Variants in JPH1 observed in about 807,000 individuals in gnomAD.
JPH1 encodes junctophilin-1.
A neutral mutation model predicts 53.6 loss-of-function variants in JPH1; 12 were observed. That is an observed-to-expected ratio of 0.22 (90% confidence interval 0.14 to 0.36). JPH1 has a LOEUF of 0.36. Ranked by LOEUF, JPH1 falls within the 10% of genes least tolerant of loss-of-function variation. The pLI is 1.00. For synonymous variants in JPH1, 375 were observed against 363.8 expected (o/e 1.03, Z -0.35); for missense variants, 808 against 905.5 (o/e 0.89, Z 1.38).
intron 3 of JPH1, among the ~76,000 whole-genome samples, chr8:74,257,170 C>T (rs931947408): frequency 3.3e-5 from 5 of 152,172 alleles, no homozygotes; most frequent in Admixed American, 2.0e-4. Flanking sequence ...ACTGCAGCCT[C>T]CCCGACAAGC....
At position 74,320,113 on chromosome 8, in the gene JPH1, G is replaced by A. The variant is rs1808271537; in HGVS notation, c.379+796C>T. Among the ~76,000 whole-genome samples, 1 of 152,144 alleles carries A rather than the reference G, an allele frequency of 6.6e-6. No individual in the cohort carries two copies. Among genetic ancestry groups the A allele is most frequent in the Non-Finnish European group, 1.5e-5 (1 of 68,020 alleles). ...GTAGCTGCTAACTTAGCAGCTATAG[G>A]AACACACCTGCTAATTGTATTCTTT... On this transcript the variant is annotated intron_variant, in intron 1 of 5. Coordinates refer to ENST00000342232, the MANE Select transcript of JPH1 (RefSeq NM_020647.4). This position sits in a 1 kb window ranked among gnomAD's most constrained non-coding sequence, Gnocchi z 4.4.
chr8:74,279,027 AT>A (rs1806934824), intron 2 of JPH1, among the ~76,000 whole-genome samples: 1 of 152,120 alleles, frequency 6.6e-6, no homozygotes, highest in East Asian at 1.9e-4. Context: ...ACACAGCATC[AT>A]TTTAAGTTAG....
At chr8:74,312,346 G>T (rs939904240) in intron 2 of JPH1, among the ~76,000 whole-genome samples, 1 of 152,148 alleles carries the variant, frequency 6.6e-6, no homozygotes, top group East Asian at 1.9e-4. Flanking sequence ...CGACCTCTGG[G>T]GCTCAAGCCA....
intron 4 of JPH1, among the ~76,000 whole-genome samples, chr8:74,238,627 T>G (rs1805610376): frequency 6.6e-6 from 1 of 152,206 alleles, no homozygotes; most frequent in Non-Finnish European, 1.5e-5. Flanking sequence ...GAGACTCTAC[T>G]ATCTTCCAGC....
chr8:74,276,633 G>A (rs986720538), intron 2 of JPH1, among the ~76,000 whole-genome samples: 5 of 152,334 alleles, frequency 3.3e-5, no homozygotes, highest in Middle Eastern at 3.4e-3. Flanking sequence ...CATAACATCT[G>A]TCATCTACCT....
chr8:74,238,096 G>C (rs1807052044), intron 4 of JPH1, among the ~76,000 whole-genome samples: 1 of 152,158 alleles, frequency 6.6e-6, no homozygotes, highest in Admixed American at 6.5e-5. Flanking sequence ...ACAAAGACAT[G>C]ATTGTGGTAT....
At chr8:74,264,936 A>G (rs528830720) in intron 2 of JPH1, among the ~76,000 whole-genome samples, 11 of 152,296 alleles carry the variant, frequency 7.2e-5, no homozygotes, top group African/African-American at 2.4e-4. Context: ...ATCATACAAC[A>G]TGAACTACGG....
intron 1 of JPH1, among the ~76,000 whole-genome samples, chr8:74,318,228 TA>T (rs1211279856): frequency 6.6e-6 from 1 of 152,198 alleles, no homozygotes; most frequent in Non-Finnish European, 1.5e-5. Context: ...TTCACAAGTA[TA>T]AAAATTACTT....
At chr8:74,294,529 C>T (rs1807445384) in intron 2 of JPH1, among the ~76,000 whole-genome samples, 1 of 152,206 alleles carries the variant, frequency 6.6e-6, no homozygotes, top group Non-Finnish European at 1.5e-5. Context: ...CACAAGAATT[C>T]TTCCTCTTCC....
intron 2 of JPH1, among the ~76,000 whole-genome samples, chr8:74,274,488 G>C (rs1806792595): frequency 6.6e-6 from 1 of 152,148 alleles, no homozygotes; most frequent in Non-Finnish European, 1.5e-5. Flanking sequence ...ATGTTTCTGA[G>C]CTTTTAGATG....
At position 74,288,250 on chromosome 8, in the gene JPH1, C is replaced by T. The variant is rs72663672; in HGVS notation, c.1139+26611G>A. 3.7e-3 allele frequency among the ~76,000 whole-genome samples: 568 copies of T among 152,310 alleles called. 3 individuals are homozygous for T. Among genetic ancestry groups the T allele is most frequent in the African/African-American group, 5.1e-3 (213 of 41,566 alleles). ...GGACAGGTTTCATCTTCCCATCCTC[C>T]GTGGGTTGCTAAGCCTCTGCCACCC... On this transcript the variant is annotated intron_variant, in intron 2 of 5. Transcript: ENST00000342232.
intron 2 of JPH1, among the ~76,000 whole-genome samples, chr8:74,269,973 TTCATGCTTTCTCTGTGAA>T (rs1182748943): frequency 6.6e-6 from 1 of 152,270 alleles, no homozygotes; most frequent in Non-Finnish European, 1.5e-5. Flanking sequence ...TCTTCTTGTA[TTCATGCTTTCTCTGTGAA>T]TCTGTCACTG....
At chr8:74,245,339 C>A (rs180938142) in intron 3 of JPH1, among the ~76,000 whole-genome samples, 164 bp from the exon 4 acceptor site, 27 of 152,238 alleles carry the variant, frequency 1.8e-4, no homozygotes, top group Non-Finnish European at 3.2e-4. Context: ...TATGGAAAGG[C>A]TGCTTTTAAG....
chr8:74,257,691 T>C (rs1403432977), intron 3 of JPH1, among the ~76,000 whole-genome samples: 1 of 152,176 alleles, frequency 6.6e-6, no homozygotes, highest in Non-Finnish European at 1.5e-5. Flanking sequence ...AGTTTATTCC[T>C]ACCAGAGGTC....
intron 2 of JPH1, among the ~76,000 whole-genome samples, chr8:74,309,363 A>G (rs919883239): frequency 6.6e-6 from 1 of 152,210 alleles, no homozygotes; most frequent in Non-Finnish European, 1.5e-5. Context: ...AAGTCAATAC[A>G]AGCAAAGGCT....
intron 3 of JPH1, among the ~76,000 whole-genome samples, chr8:74,246,019 G>C (rs559907718): frequency 6.6e-6 from 1 of 151,800 alleles, no homozygotes; most frequent in Non-Finnish European, 1.5e-5. Flanking sequence ...CTGGGAACTC[G>C]AGGAGGCTGT....
At chr8:74,290,585 C>T (rs577128779) in intron 2 of JPH1, among the ~76,000 whole-genome samples, 1 of 152,284 alleles carries the variant, frequency 6.6e-6, no homozygotes, top group South Asian at 2.1e-4. Context: ...AATGCCATCC[C>T]CATCAAGCTA....
At position 74,259,252 on chromosome 8, in the gene JPH1, C is replaced by T. The variant is rs80026272; in HGVS notation, c.1258+133G>A. The T allele has an allele frequency of 7.3e-3, 4,619 of 633,538 alleles. 171 individuals are homozygous for T. The African/African-American group carries it at 0.077, about 11-fold the overall frequency. 39.2% of individuals were successfully genotyped at this position (633,538 alleles called of 1,614,324 possible). A position where few individuals can be genotyped will look rare whatever the true frequency, so the allele number is the denominator to read the frequency against. On this transcript the variant is annotated intron_variant, in intron 3 of 5. Transcript: ENST00000342232. ...CAGATGAAGGATCCTCAACCGCAGG[C>T]GCCCTTGCTTGTTTTGTATAATAGT...
chr8:74,318,866 C>A (rs1169500957), intron 1 of JPH1, among the ~76,000 whole-genome samples: 1 of 152,136 alleles, frequency 6.6e-6, no homozygotes, highest in African/African-American at 2.4e-5. Context: ...TTGCTTTAGA[C>A]TCCCTTTTTA....
Sources: allele counts gnomAD v4.1 joint callset (sites outside exome capture counted in the v4.1 genomes callset), GRCh38; gene constraint gnomAD v4.1.1; non-coding constraint Gnocchi (gnomAD v3.1); transcripts MANE v1.5; gene names NCBI Gene and HGNC (gene_info 2026-07-23, HGNC 2026-07-21).